Variants in MYOF observed in about 807,000 individuals in gnomAD.
MYOF encodes fer-1-like 3, myoferlin.
A neutral mutation model predicts 284.2 loss-of-function variants in MYOF; 244 were observed. The ratio of observed to expected loss-of-function variants is 0.86; its 90% CI spans 0.77 to 0.95. The LOEUF (loss-of-function observed/expected upper bound fraction) is 0.95. MYOF is among the 40% of genes least tolerant of loss of function. The probability of loss-of-function intolerance (pLI) is 0.00; values close to 1 mark genes in which losing one functional copy is unlikely to be tolerated. For synonymous variants in MYOF, 904 were observed against 919.7 expected (o/e 0.98, Z 0.31); for missense variants, 2,496 against 2,560.6 (o/e 0.97, Z 0.54).
chr10:93,323,423 CT>C, intron 46 of MYOF, 65 bp from the exon 47 acceptor site: 1 of 1,367,314 alleles, frequency 7.3e-7, no homozygotes. Context: ...TCACAATTTT[CT>C]TTCATATTTC....
intron 1 of MYOF, among the ~76,000 whole-genome samples, chr10:93,462,437 T>C (rs2056906575): frequency 6.6e-6 from 1 of 152,150 alleles, no homozygotes. Context: ...GGCACTGTTT[T>C]ATTATCCTCA....
At chr10:93,393,106 T>G in intron 16 of MYOF, 151 bp from the exon 17 acceptor site, 1 of 668,220 alleles carries the variant, frequency 1.5e-6, no homozygotes, top group East Asian at 2.7e-5. Context: ...ATGACCCTTT[T>G]GTAATGTATA....
At chr10:93,333,986 C>T in intron 41 of MYOF, 73 bp from the exon 42 acceptor site, 1 of 1,476,594 alleles carries the variant, frequency 6.8e-7, no homozygotes, top group Non-Finnish European at 9.2e-7. Context: ...AAGTCCCCTC[C>T]TCCGCCAGGG....
Position 93,306,882 on chromosome 10 carries a change from C to CA in MYOF, c.*80dup, listed in dbSNP as rs1842123583. 4.1e-6 allele frequency: 6 copies of CA among 1,460,520 alleles called. No individual in the cohort carries two copies. The East Asian group carries it at 6.9e-5, about 17-fold the overall frequency. The allele number at this position is 1,460,520 out of a possible 1,614,324, so 90.5% of individuals were successfully genotyped here. ...TGCTACTGGGGTGTGGTCTCAGACA[C>CA]AAAATCACACTGGATGTTGGTCTAC... On this transcript the variant is annotated 3_prime_UTR_variant, in exon 54 of 54. Coordinates refer to ENST00000359263, the MANE Select transcript of MYOF (RefSeq NM_013451.4).
At chr10:93,331,050 T>A (rs1843275633) in intron 43 of MYOF, among the ~76,000 whole-genome samples, 1 of 152,226 alleles carries the variant, frequency 6.6e-6, no homozygotes, top group Admixed American at 6.5e-5. Flanking sequence ...TGAGAAGTCC[T>A]GCAATTATAA....
chr10:93,361,369 C>T, intron 28 of MYOF, 83 bp downstream of exon 28: 2 of 1,335,720 alleles, frequency 1.5e-6, no homozygotes, highest in Middle Eastern at 2.1e-4. Flanking sequence ...GAAGTGAGGC[C>T]CCTCCCTCCC....
chr10:93,423,525 G>GAAAAAAA (rs59012520), intron 5 of MYOF, among the ~76,000 whole-genome samples: 1 of 14,892 alleles, frequency 6.7e-5, no homozygotes, highest in African/African-American at 2.6e-4. Flanking sequence ...GACTCCATCT[G>GAAAAAAA]AAAAAAAAAA....
chr10:93,473,633 T>C (rs1049844371), intron 1 of MYOF, among the ~76,000 whole-genome samples: 1 of 152,188 alleles, frequency 6.6e-6, no homozygotes, highest in African/African-American at 2.4e-5. Context: ...TGATTCTGGC[T>C]CTTGTGAGGT....
intron 26 of MYOF, among the ~76,000 whole-genome samples, chr10:93,364,671 A>C: frequency 6.6e-6 from 1 of 152,318 alleles, no homozygotes; most frequent in Non-Finnish European, 1.5e-5. Context: ...ACTCTCTGCC[A>C]TGTTAATTTT....
chr10:93,394,006 C>T (rs1280345311), intron 16 of MYOF, among the ~76,000 whole-genome samples: 1 of 152,224 alleles, frequency 6.6e-6, no homozygotes, highest in Non-Finnish European at 1.5e-5. Flanking sequence ...GTTATAATCA[C>T]TATGCTACTC....
intron 1 of MYOF, among the ~76,000 whole-genome samples, chr10:93,479,684 G>A (rs1292483498): frequency 6.6e-6 from 1 of 152,148 alleles, no homozygotes; most frequent in African/African-American, 2.4e-5. Flanking sequence ...TGGAGACCCA[G>A]GTGGTTAAAT....
At chr10:93,412,112 A>G (rs1035333396) in intron 5 of MYOF, among the ~76,000 whole-genome samples, 4 of 152,136 alleles carry the variant, frequency 2.6e-5, no homozygotes, top group African/African-American at 9.7e-5. Context: ...CATTTTACAG[A>G]CAGAAAAACT....
intron 1 of MYOF, among the ~76,000 whole-genome samples, chr10:93,460,532 G>A (rs2056848211): frequency 6.6e-6 from 1 of 152,204 alleles, no homozygotes; most frequent in Non-Finnish European, 1.5e-5. Context: ...GGGAGGCCAA[G>A]GCGGGTGGAC....
chr10:93,351,086 G>A, intron 35 of MYOF, 111 bp downstream of exon 35: 5 of 1,186,436 alleles, frequency 4.2e-6, no homozygotes, highest in Non-Finnish European at 6.1e-6. Flanking sequence ...TGTAAAGGAA[G>A]TTGGAGATAG....
rs764412531 is a variant in MYOF at position 93,313,096 on chromosome 10, G to A, written c.5813C>T (p.Ala1938Val). The change falls in exon 51 of 54, where the codon GCC becomes GTC. Residue 1938 changes from alanine (A) to valine (V), a missense_variant. Coordinates refer to ENST00000359263, the MANE Select transcript of MYOF (RefSeq NM_013451.4). ...KAMNPLKAKT[A>V]SLFEQKSMKG... Reference sequence around the variant, plus strand: ...CATGGACTTCTGCTCAAAGAGGGAGGCTGTCTTGGCTTTAAGGGGGTTCAT... The same window carrying A: ...CATGGACTTCTGCTCAAAGAGGGAGACTGTCTTGGCTTTAAGGGGGTTCAT... 3 of 1,614,074 alleles carry A rather than the reference G, an allele frequency of 1.9e-6. No individual in the cohort carries two copies. The East Asian group carries it at 6.7e-5, about 36-fold the overall frequency.
Position 93,323,154 on chromosome 10 carries a change from T to G in MYOF, c.5380A>C (p.Ile1794Leu). 1 of 1,614,112 alleles carries G rather than the reference T, an allele frequency of 6.2e-7. No individual in the cohort carries two copies. Among genetic ancestry groups the G allele is most frequent in the Non-Finnish European group, 8.5e-7 (1 of 1,179,934 alleles). The change falls in exon 48 of 54, where the codon ATC becomes CTC. Residue 1794 changes from isoleucine (I) to leucine (L), a missense_variant. Transcript: ENST00000359263. ...AAGATAACGTCCTTGGTGTTCCAGA[T>G]GATCACACGCAGGTAGTATCTGCAA... ...KAKKYYLRVI[I>L]WNTKDVILDE...
At chr10:93,397,504 C>G (rs778339231) in intron 13 of MYOF, 48 bp from the exon 14 acceptor site, 2 of 1,472,698 alleles carry the variant, frequency 1.4e-6, no homozygotes, top group African/African-American at 1.4e-5. Flanking sequence ...TTTCTAATTT[C>G]TAAAAGTTTA....
At chr10:93,369,928 A>T in intron 24 of MYOF, 152 bp from the exon 25 acceptor site, 1 of 984,614 alleles carries the variant, frequency 1.0e-6, no homozygotes, top group Non-Finnish European at 1.5e-6. Flanking sequence ...AGATGACCCT[A>T]CAGCAAAGAT....
At chr10:93,447,906 G>T (rs1466760611) in intron 3 of MYOF, among the ~76,000 whole-genome samples, 1 of 151,952 alleles carries the variant, frequency 6.6e-6, no homozygotes, top group Admixed American at 6.6e-5. Context: ...CCTCCTAACT[G>T]GTTCCTACCT....
Sources: allele counts gnomAD v4.1 joint callset (sites outside exome capture counted in the v4.1 genomes callset), GRCh38; gene constraint gnomAD v4.1.1; transcripts MANE v1.5; gene names NCBI Gene and HGNC (gene_info 2026-07-23, HGNC 2026-07-21).